Variants in TEDC1 observed in about 807,000 individuals in gnomAD.
TEDC1 encodes the protein tubulin epsilon and delta complex protein 1.
In TEDC1, 54 loss-of-function variants were observed where a neutral mutation model predicts 59.9. The ratio of observed to expected loss-of-function variants is 0.90; its 90% CI spans 0.72 to 1.13. TEDC1 has a LOEUF of 1.13. Ranked by LOEUF, TEDC1 falls within the 50% of genes most tolerant of loss-of-function variation. The pLI is 0.00. For synonymous variants in TEDC1, 353 were observed against 298.1 expected, an observed-to-expected ratio of 1.18 and a Z score of -1.90; for missense variants, 734 against 683.4, an observed-to-expected ratio of 1.07 and a Z score of -0.83.
intron 5 of TEDC1, chr14:105,495,527 G>A (rs746966279): frequency 2.4e-4 from 59 of 248,984 alleles, no homozygotes; most frequent in Non-Finnish European, 3.9e-4. Flanking sequence ...CGCCTGCCTG[G>A]CCCCTGGTGC....
In TEDC1 at chr14:105,495,946, A is replaced by G. The variant is rs1253765605; in HGVS notation, c.751A>G (p.Thr251Ala). The G allele has an allele frequency of 6.5e-7, 1 of 1,550,064 alleles. No individual in the cohort carries two copies. Among genetic ancestry groups the G allele is most frequent in the African/African-American group, 1.4e-5 (1 of 73,004 alleles). The change falls in exon 6 of 9, where the codon ACT (threonine) becomes GCT (alanine). Residue 251 changes from threonine to alanine, a missense_variant. By Grantham distance (58) the Thr-to-Ala change is moderately conservative. Coordinates refer to ENST00000392523, the MANE Select transcript of TEDC1 (RefSeq NM_001367178.1). ...CCCAAAGTGCCTGCACTCCTTCTGC[A>G]CTCCTGGGATGGGTCCCAGAACCTT... Reference protein sequence around the residue: ...AYPKCLHSFCTPGMGPRTFWN... With the variant: ...AYPKCLHSFCAPGMGPRTFWN...
At position 105,499,094 on chromosome 14, in the gene TEDC1, C is replaced by T; in HGVS notation, c.*148C>T. ...TGCTCGCTCCAGGGGTGGGGCTGGG[C>T]TGACTCTGGCCGGATCCCAGGCCTG... On this transcript the variant is annotated 3_prime_UTR_variant, in exon 9 of 9. Transcript: ENST00000392523. The T allele has an allele frequency of 1.1e-6, 1 of 882,826 alleles. No individual in the cohort carries two copies. The highest frequency in any genetic ancestry group is 1.7e-6 in the Non-Finnish European group (1 of 594,114). The allele number at this position is 882,826 out of a possible 1,614,324, so 54.7% of individuals were successfully genotyped here.
intron 4 of TEDC1, among the ~76,000 whole-genome samples, chr14:105,493,052 A>G (rs924740980): frequency 3.9e-5 from 6 of 152,132 alleles, no homozygotes; most frequent in Admixed American, 1.3e-4. Flanking sequence ...GGTCTGTGCC[A>G]TGAAAGCCAC....
upstream of TEDC1, chr14:105,490,803 G>C: frequency 1.7e-6 from 1 of 591,304 alleles, no homozygotes; most frequent in African/African-American, 1.9e-5. Flanking sequence ...CGTCCGCTCC[G>C]ACTGCGTAAG....
chr14:105,491,302 C>T lies in TEDC1; in HGVS notation c.-74C>T. Reference sequence around the variant, plus strand: ...GTCCCAGCCGCCGCACTAAACCCGGCCCGTGCGGTGATTGGACGCAGGCCC... The same window carrying T: ...GTCCCAGCCGCCGCACTAAACCCGGTCCGTGCGGTGATTGGACGCAGGCCC... On this transcript the variant is annotated 5_prime_UTR_variant, in exon 1 of 9. Transcript: ENST00000392523. 2.7e-6 allele frequency: 4 copies of T among 1,495,348 alleles called. No individual in the cohort carries two copies. The highest frequency in any genetic ancestry group is 3.6e-6 in the Non-Finnish European group (4 of 1,125,232). 92.6% of individuals were successfully genotyped at this position (1,495,348 alleles called of 1,614,324 possible). A position where few individuals can be genotyped will look rare whatever the true frequency, so the allele number is the denominator to read the frequency against.
chr14:105,498,786 A>G lies in TEDC1; in HGVS notation c.1328A>G (p.Asp443Gly). ...AGACGAGAGGATGGGGCAGCAGGGG[A>G]CCGGGACCTGCGGGCAGCTGTGGTG... Reference protein sequence around the residue: ...LVRREDGAAGDRDLRAAVVIR... With the variant: ...LVRREDGAAGGRDLRAAVVIR... The change falls in exon 9 of 9, where the codon GAC becomes GGC. Residue 443 changes from aspartate (D) to glycine (G), a missense_variant. Physicochemically the swap from Asp to Gly is moderately conservative, Grantham distance 94. Transcript: ENST00000392523. 6.3e-7 allele frequency: 1 copy of G among 1,579,046 alleles called. No individual in the cohort carries two copies.
chr14:105,491,483 C>G lies in TEDC1; in HGVS notation c.108C>G (p.Pro36=). Residue 36 remains proline, a synonymous_variant, in exon 1 of 9, where the codon CCC becomes CCG. Transcript: ENST00000392523. Reference sequence around the variant, plus strand: ...GGTCGCTGCCCTCGGGACCCAGCCCCGAGATCTTCCGCCGCGCCAAGTTCG... The same window carrying G: ...GGTCGCTGCCCTCGGGACCCAGCCCGGAGATCTTCCGCCGCGCCAAGTTCG... ...LSRSLPSGPS[P]EIFRRAKFDR... 1 of 1,488,470 alleles carries G rather than the reference C, an allele frequency of 6.7e-7. No individual in the cohort carries two copies. The highest frequency in any genetic ancestry group is 1.4e-5 in the African/African-American group (1 of 71,214). 92.2% of individuals were successfully genotyped at this position (1,488,470 alleles called of 1,614,324 possible).
At chr14:105,497,263 G>T in intron 6 of TEDC1, 94 bp from the exon 7 acceptor site, 1 of 1,257,168 alleles carries the variant, frequency 8.0e-7, no homozygotes. Flanking sequence ...CTAGGCGTTG[G>T]GCCGGGTGTC....
At chr14:105,497,571 G>A in intron 7 of TEDC1, 128 bp downstream of exon 7, 2 of 1,224,690 alleles carry the variant, frequency 1.6e-6, no homozygotes, top group South Asian at 1.5e-5. Flanking sequence ...CCTAGTGTAG[G>A]CTCTTTCTAG....
chr14:105,491,435 T>G lies in TEDC1; in HGVS notation c.60T>G (p.Pro20=), dbSNP rs1200462176. Reference sequence around the variant, plus strand: ...CTGGGGCCCGGGCCGGGGCCCTGCCTGAGGCCATCGCCGCGTTGAGTCGGT... The same window carrying G: ...CTGGGGCCCGGGCCGGGGCCCTGCCGGAGGCCATCGCCGCGTTGAGTCGGT... The part of the protein sequence containing the change: ...PAAGARAGAL[P]EAIAALSRSL... The change falls in exon 1 of 9, where the codon CCT becomes CCG. Residue 20 remains proline (P), a synonymous_variant. Transcript: ENST00000392523. 1 of 1,446,380 alleles carries G rather than the reference T, an allele frequency of 6.9e-7. No individual in the cohort carries two copies. Among genetic ancestry groups the G allele is most frequent in the Non-Finnish European group, 9.0e-7 (1 of 1,105,684 alleles). 89.6% of individuals were successfully genotyped at this position (1,446,380 alleles called of 1,614,324 possible).
chr14:105,493,804 C>T (rs2084274724), intron 4 of TEDC1, 31 bp from the exon 5 acceptor site: 8 of 1,551,274 alleles, frequency 5.2e-6, no homozygotes, highest in African/African-American at 2.7e-5. Context: ...TTGACTGCCA[C>T]TCAGCCTGGG....
At chr14:105,496,171 C>T (rs1555440432) in intron 6 of TEDC1, 85 bp downstream of exon 6, 2 of 1,192,628 alleles carry the variant, frequency 1.7e-6, no homozygotes, top group East Asian at 2.6e-5. Context: ...GTGTTTGCTC[C>T]TCCTCTCCTG....
At chr14:105,492,080 C>G in intron 2 of TEDC1, 27 bp from the exon 3 acceptor site, 1 of 1,564,556 alleles carries the variant, frequency 6.4e-7, no homozygotes, top group Non-Finnish European at 8.7e-7. Flanking sequence ...TGGGTGGTCC[C>G]CCTAAGGTGG....
chr14:105,489,893 T>C (rs782388462), upstream of TEDC1: 3 of 152,410 alleles, frequency 2.0e-5, no homozygotes, highest in South Asian at 6.2e-4. Flanking sequence ...TGCTCCGCCA[T>C]CTCCCCCACG....
chr14:105,490,814 CG>C (rs2084188827), upstream of TEDC1: 2 of 603,858 alleles, frequency 3.3e-6, no homozygotes, highest in Non-Finnish European at 5.9e-6. Context: ...ACTGCGTAAG[CG>C]GCCCCACAGG....
At position 105,492,774 on chromosome 14, in the gene TEDC1, C is replaced by T. The variant is rs587704491; in HGVS notation, c.585+40C>T. The T allele has an allele frequency of 5.8e-4, 881 of 1,527,464 alleles. 1 individual carries two copies. Among genetic ancestry groups the T allele is most frequent in the African/African-American group, 4.5e-3 (330 of 73,002 alleles). The allele number at this position is 1,527,464 out of a possible 1,614,324, so 94.6% of individuals were successfully genotyped here. On this transcript the variant is annotated intron_variant, in intron 4 of 8. Coordinates refer to ENST00000392523, the MANE Select transcript of TEDC1 (RefSeq NM_001367178.1). ...GGGCTTCCACTCAGGGGCTGTGTCC[C>T]GTGCTGCAGGCCGCCAGCTGCCAGT...
intron 5 of TEDC1, 47 bp downstream of exon 5, chr14:105,493,980 GCA>G: frequency 3.1e-6 from 1 of 324,772 alleles, no homozygotes; most frequent in South Asian, 2.5e-5. Flanking sequence ...GGGCTGGGGG[GCA>G]CAGCAGGGGG....
At chr14:105,497,758 CCTTGG>C (rs2084380064) in intron 7 of TEDC1, 35 bp from the exon 8 acceptor site, 3 of 1,492,374 alleles carry the variant, frequency 2.0e-6, no homozygotes, top group African/African-American at 2.8e-5. Flanking sequence ...CCCTCTGTCC[CCTTGG>C]CTTGGTGCAC....
At position 105,496,973 on chromosome 14, in the gene TEDC1, C is replaced by T. The variant is rs371335954; in HGVS notation, c.892-384C>T. The T allele has an allele frequency of 1.6e-4, 49 of 306,674 alleles. No individual in the cohort carries two copies. The East Asian group carries it at 4.6e-3, about 29-fold the overall frequency. 19.0% of individuals were successfully genotyped at this position (306,674 alleles called of 1,614,324 possible). A position where few individuals can be genotyped will look rare whatever the true frequency, so the allele number is the denominator to read the frequency against. The stretch of plus-strand genomic sequence containing the variant: ...GGATACAGCCCGCATTCAGTGAGGG[C>T]TGTGGGGCAGAGGTCTAGGCTTGAG... On this transcript the variant is annotated intron_variant, in intron 6 of 8. Transcript: ENST00000392523.
Sources: allele counts gnomAD v4.1 joint callset (sites outside exome capture counted in the v4.1 genomes callset), GRCh38; gene constraint gnomAD v4.1.1; transcripts MANE v1.5; gene names NCBI Gene and HGNC (gene_info 2026-07-23, HGNC 2026-07-21).